The following HOXC5 variants were observed in gnomAD, a reference collection of about 807,000 sequenced individuals.
HOXC5 encodes the protein homeobox C5.
In HOXC5, 19 loss-of-function variants were observed where a neutral mutation model predicts 20.1. That is an observed-to-expected ratio of 0.94 (90% CI 0.66 to 1.38). The LOEUF is 1.38. Among genes scored for constraint, HOXC5 ranks in the 40% most tolerant of loss-of-function variants. The probability of loss-of-function intolerance (pLI) is 0.00; values close to 1 mark genes in which losing one functional copy is unlikely to be tolerated. For missense variants in HOXC5, 330 were observed against 300.1 expected (o/e 1.10, Z -0.74); for synonymous variants, 124 against 117.0 (o/e 1.06, Z -0.39).
At chr12:54,019,561 C>T in the HOXC5 span, among the ~76,000 whole-genome samples, 2 of 152,140 alleles carry the variant, frequency 1.3e-5, no homozygotes, top group Admixed American at 6.5e-5. Flanking sequence ...TGTGGATGGC[C>T]GCTGATGGGG....
chr12:54,024,712 C>T, the HOXC5 span, among the ~76,000 whole-genome samples: 1 of 152,124 alleles, frequency 6.6e-6, no homozygotes, highest in Non-Finnish European at 1.5e-5. Context: ...CAGCCTTTCC[C>T]TGGCCTAAAG....
upstream of HOXC5, chr12:54,029,026 AC>A: frequency 8.9e-7 from 1 of 1,117,538 alleles, no homozygotes; most frequent in Non-Finnish European, 1.3e-6. Context: ...CCCCATAAAA[AC>A]AATCACGCTC....
upstream of HOXC5, chr12:54,028,619 C>G (rs1379626931): frequency 5.6e-6 from 9 of 1,614,044 alleles, no homozygotes; most frequent in Admixed American, 8.3e-5. Context: ...GCCTATGATC[C>G]AGTGAGGCAT....
At chr12:54,018,518 T>C in the HOXC5 span, among the ~76,000 whole-genome samples, 1 of 152,220 alleles carries the variant, frequency 6.6e-6, no homozygotes, top group Non-Finnish European at 1.5e-5. Flanking sequence ...GGGATCTCTC[T>C]AATAATTGGT....
In HOXC5 at chr12:54,034,353, A is replaced by T; in HGVS notation, c.530A>T (p.Asn177Ile). ...TLELEKEFHF[N>I]RYLTRRRRIE... The stretch of plus-strand genomic sequence containing the variant: ...GAACTCGAGAAAGAATTCCACTTTA[A>T]CCGCTACCTCACTCGCCGCAGGCGC... The change falls in exon 2 of 2, where the codon AAC becomes ATC. Residue 177 changes from asparagine to isoleucine, a missense_variant. By Grantham distance (149) the Asn-to-Ile change is moderately radical. Transcript: ENST00000312492. The T allele has an allele frequency of 6.2e-7, 1 of 1,614,216 alleles. No individual in the cohort carries two copies. Among genetic ancestry groups the T allele is most frequent in the Non-Finnish European group, 8.5e-7 (1 of 1,180,034 alleles).
chr12:54,026,078 A>G, the HOXC5 span, among the ~76,000 whole-genome samples: 12 of 152,234 alleles, frequency 7.9e-5, no homozygotes. Flanking sequence ...TGAAGGAAAT[A>G]TCACTGACAT....
chr12:54,031,050 C>T (rs1031199781), upstream of HOXC5, among the ~76,000 whole-genome samples: 2 of 152,232 alleles, frequency 1.3e-5, no homozygotes, highest in Admixed American at 6.5e-5. Flanking sequence ...ACACACCCTG[C>T]GGGAAAAAGC....
the HOXC5 span, among the ~76,000 whole-genome samples, chr12:54,026,964 TGGG>T: frequency 8.2e-3 from 1,046 of 127,340 alleles, 13 homozygotes; most frequent in African/African-American, 0.026. Context: ...CCAAAAATGG[TGGG>T]GGGGGGGGGA....
At chr12:54,032,668 T>C (rs1941028509), upstream of HOXC5, among the ~76,000 whole-genome samples, 1 of 152,196 alleles carries the variant, frequency 6.6e-6, no homozygotes, top group Non-Finnish European at 1.5e-5. Context: ...AACAACCAGC[T>C]TCTCCTTCAC....
the HOXC5 span, chr12:54,020,428 C>A: frequency 6.6e-6 from 1 of 152,186 alleles, no homozygotes; most frequent in Non-Finnish European, 1.5e-5. Context: ...CAGAGCAAAC[C>A]CTTTCTCACC....
chr12:54,026,906 C>T, the HOXC5 span, among the ~76,000 whole-genome samples: 1 of 151,806 alleles, frequency 6.6e-6, no homozygotes, highest in Non-Finnish European at 1.5e-5. Flanking sequence ...TAAAATCCGG[C>T]GACATCCGGG....
Position 54,033,264 on chromosome 12 carries a change from A to G in HOXC5, c.142A>G (p.Thr48Ala), listed in dbSNP as rs1211527481. 1.7e-5 allele frequency: 27 copies of G among 1,613,916 alleles called. No individual in the cohort carries two copies. The Admixed American group carries it at 4.0e-4, about 24-fold the overall frequency. Reference protein sequence around the residue: ...YCYGGLDLSITFPPPAPSNSL... With the variant: ...YCYGGLDLSIAFPPPAPSNSL... ...CTACGGCGGATTGGACTTAAGCATC[A>G]CTTTCCCACCGCCTGCGCCTTCCAA... Residue 48 changes from threonine to alanine, a missense_variant, in exon 1 of 2, where the codon ACT becomes GCT. Physicochemically the swap from Thr to Ala is moderately conservative, Grantham distance 58. Coordinates refer to ENST00000312492, the MANE Select transcript of HOXC5 (RefSeq NM_018953.4).
chr12:54,026,037 A>G, the HOXC5 span, among the ~76,000 whole-genome samples: 18 of 152,186 alleles, frequency 1.2e-4, no homozygotes, highest in Non-Finnish European at 2.6e-4. Flanking sequence ...CCATCATTCA[A>G]TTTGTTGTAC....
chr12:54,025,529 G>T, the HOXC5 span, among the ~76,000 whole-genome samples: 14 of 36,838 alleles, frequency 3.8e-4, no homozygotes, highest in Non-Finnish European at 9.9e-4. Flanking sequence ...AAGGTAATTG[G>T]GGGGGGGGGA....
chr12:54,029,339 C>A (rs1302870847), upstream of HOXC5, among the ~76,000 whole-genome samples: 1 of 151,832 alleles, frequency 6.6e-6, no homozygotes, highest in Non-Finnish European at 1.5e-5. Flanking sequence ...CCCTCATCCC[C>A]ATTATCTGGG....
Position 54,034,621 on chromosome 12 carries a change from A to T in HOXC5, c.*129A>T. The T allele has an allele frequency of 1.3e-6, 1 of 750,534 alleles. No homozygotes were observed. The highest frequency in any genetic ancestry group is 2.2e-6 in the Non-Finnish European group (1 of 465,102). 46.5% of individuals were successfully genotyped at this position (750,534 alleles called of 1,614,324 possible). On this transcript the variant is annotated 3_prime_UTR_variant, in exon 2 of 2. Transcript: ENST00000312492. ...GGAGCACTGGGCTCCCGGGCCCCAC[A>T]GACAAAAGCGCTTTTCCTTGGCATT...
Position 54,033,527 on chromosome 12 carries a change from G to A in HOXC5, c.405G>A (p.Pro135=), listed in dbSNP as rs769823676. 4 of 1,561,614 alleles carry A rather than the reference G, an allele frequency of 2.6e-6. No individual in the cohort carries two copies. The highest frequency in any genetic ancestry group is 1.3e-5 in the African/African-American group (1 of 74,328). Residue 135 remains proline (P), a synonymous_variant, in exon 1 of 2, where the codon CCG becomes CCA. Coordinates refer to ENST00000312492, the MANE Select transcript of HOXC5 (RefSeq NM_018953.4). ...AGCCCGCCGGACTGAGCCAGCCACC[G>A]GCCCCGCCACAGATTTACCCGTGGA... is the stretch of plus-strand genomic sequence containing the variant. ...TGQPAGLSQP[P]APPQIYPWMT... is the part of the protein sequence containing the mutation.
Position 54,033,340 on chromosome 12 carries a change from G to C in HOXC5, c.218G>C (p.Arg73Pro), listed in dbSNP as rs773857776. The change falls in exon 1 of 2, where the codon CGC becomes CCC. Residue 73 changes from arginine (R) to proline (P), a missense_variant. Transcript: ENST00000312492. ...MAANPRAHPD[R>P]PACSAAAAPG... ...GCCAACCCCCGGGCTCACCCCGACC[G>C]CCCCGCCTGCAGCGCCGCGGCCGCT... is the stretch of plus-strand genomic sequence containing the variant. 1 of 1,612,734 alleles carries C rather than the reference G, an allele frequency of 6.2e-7. No individual in the cohort carries two copies. The highest frequency in any genetic ancestry group is 1.3e-5 in the African/African-American group (1 of 74,992).
chr12:54,029,520 A>T, upstream of HOXC5: 1 of 847,804 alleles, frequency 1.2e-6, no homozygotes, highest in Non-Finnish European at 1.8e-6. Context: ...GCAAGGCAAA[A>T]GGGAGAAGGC....
Sources: gnomAD v4.1 joint callset for allele counts (sites outside exome capture counted in the v4.1 genomes callset) on GRCh38, gnomAD v4.1.1 for gene constraint, MANE v1.5 for transcripts, NCBI Gene and HGNC (gene_info 2026-07-23, HGNC 2026-07-21) for gene names.